SLCO1C1: variants seen among roughly 807,000 people sequenced by gnomAD.
SLCO1C1 encodes the protein solute carrier organic anion transporter family member 1C1.
In SLCO1C1, 70 loss-of-function variants were observed where a neutral mutation model predicts 76.4. That is an observed-to-expected ratio of 0.92 (90% CI 0.76 to 1.12). The LOEUF (loss-of-function observed/expected upper bound fraction) is 1.12, where lower values mean the gene tolerates loss of function less well. Among genes scored for constraint, SLCO1C1 ranks in the 50% most tolerant of loss-of-function variants. The pLI, the probability that SLCO1C1 is intolerant of heterozygous loss-of-function variation, is 0.00. For missense variants in SLCO1C1, 912 were observed against 823.8 expected (o/e 1.11, Z -1.31); for synonymous variants, 306 against 286.1 (o/e 1.07, Z -0.70).
intron 9 of SLCO1C1, among the ~76,000 whole-genome samples, chr12:20,724,812 CAACT>C (rs1947881965): frequency 6.9e-6 from 1 of 145,678 alleles, no homozygotes; most frequent in Admixed American, 7.0e-5. Flanking sequence ...TTTCTGCTTT[CAACT>C]AATAGTTATT....
chr12:20,748,210 A>G (rs7969555), intron 13 of SLCO1C1, among the ~76,000 whole-genome samples: 69,142 of 151,562 alleles, frequency 0.46, 17,587 homozygotes, highest in South Asian at 0.63. Flanking sequence ...TTTTTAATCC[A>G]TAGGCTTTAC....
intron 13 of SLCO1C1, among the ~76,000 whole-genome samples, chr12:20,745,098 A>G (rs921331073): frequency 6.6e-6 from 1 of 152,210 alleles, no homozygotes. Flanking sequence ...TTTTTAAAAA[A>G]GAAACAATGG....
chr12:20,717,178 G>C lies in SLCO1C1; in HGVS notation c.723G>C (p.Leu241=). 1.2e-6 allele frequency: 2 copies of C among 1,601,934 alleles called. No homozygotes were observed. Among genetic ancestry groups the C allele is most frequent in the Non-Finnish European group, 1.7e-6 (2 of 1,176,112 alleles). ...VAIIGPIFGF[L]LGSLCAKLYV... ...TTATAGGACCAATCTTTGGTTTCCT[G>C]TTAGGCTCATTATGTGCCAAACTAT... is the stretch of plus-strand genomic sequence containing the variant. Residue 241 remains leucine (L), a synonymous_variant, in exon 7 of 15, where the codon CTG becomes CTC. Transcript: ENST00000266509.
At chr12:20,736,965 C>T (rs1948574345) in intron 10 of SLCO1C1, 142 bp from the exon 11 acceptor site, 1 of 562,330 alleles carries the variant, frequency 1.8e-6, no homozygotes, top group Non-Finnish European at 2.8e-6. Flanking sequence ...CAGAAGCTGC[C>T]ATTTCTGATG....
chr12:20,723,071 T>A lies in SLCO1C1; in HGVS notation c.1022-19T>A, dbSNP rs745383087. On this transcript the variant is annotated intron_variant, in intron 8 of 14. Coordinates refer to ENST00000266509, the MANE Select transcript of SLCO1C1 (RefSeq NM_017435.5). ...CGTGACACCAACTTTAATTAGTCTA[T>A]GTTATTTTTGTTTTACAGATTTTCT... is the stretch of plus-strand genomic sequence containing the variant. 18 of 1,600,086 alleles carry A rather than the reference T, an allele frequency of 1.1e-5. No homozygotes were observed. Among genetic ancestry groups the A allele is most frequent in the Non-Finnish European group, 1.5e-5 (18 of 1,172,878 alleles).
chr12:20,709,254 C>T (rs1008798760), intron 4 of SLCO1C1, among the ~76,000 whole-genome samples: 4 of 152,180 alleles, frequency 2.6e-5, no homozygotes, highest in African/African-American at 9.7e-5. Context: ...GTACAGACCA[C>T]ATCCATAGCT....
At chr12:20,703,046 G>T (rs1946598853) in intron 3 of SLCO1C1, among the ~76,000 whole-genome samples, 1 of 151,608 alleles carries the variant, frequency 6.6e-6, no homozygotes, top group Admixed American at 6.6e-5. Context: ...GACCATTCTA[G>T]GTATATAAAT....
At chr12:20,740,114 T>G in intron 11 of SLCO1C1, 70 bp from the exon 12 acceptor site, 1 of 1,417,926 alleles carries the variant, frequency 7.1e-7, no homozygotes, top group Non-Finnish European at 9.6e-7. Context: ...GTAAACATTT[T>G]TAACATAACT....
intron 8 of SLCO1C1, among the ~76,000 whole-genome samples, chr12:20,722,786 CCTTTTCGT>C (rs1947741778): frequency 1.3e-5 from 2 of 152,206 alleles, no homozygotes; most frequent in South Asian, 4.1e-4. Context: ...GTATTCTCAT[CCTTTTCGT>C]CTTTTGCCCA....
intron 12 of SLCO1C1, among the ~76,000 whole-genome samples, chr12:20,742,493 C>CT (rs1224028808): frequency 6.6e-6 from 1 of 151,834 alleles, no homozygotes; most frequent in Non-Finnish European, 1.5e-5. Context: ...ATTAATGACA[C>CT]TCTTATTATT....
At chr12:20,747,132 G>A (rs558603664) in intron 13 of SLCO1C1, among the ~76,000 whole-genome samples, 15 of 152,272 alleles carry the variant, frequency 9.9e-5, no homozygotes, top group Non-Finnish European at 1.8e-4. Flanking sequence ...AAATATTAAA[G>A]TAAGAGTTCA....
intron 12 of SLCO1C1, 94 bp downstream of exon 12, chr12:20,740,462 C>G (rs1948751999): frequency 2.6e-6 from 3 of 1,164,862 alleles, no homozygotes; most frequent in African/African-American, 1.6e-5. Flanking sequence ...TATGATTCCT[C>G]TTAGTTTTTT....
chr12:20,710,450 T>G (rs1425175031), intron 4 of SLCO1C1, among the ~76,000 whole-genome samples: 1 of 152,086 alleles, frequency 6.6e-6, no homozygotes, highest in Non-Finnish European at 1.5e-5. Context: ...TGAGATGTTT[T>G]CTTACCAGAT....
At chr12:20,730,414 A>C (rs1948215771) in intron 9 of SLCO1C1, among the ~76,000 whole-genome samples, 1 of 152,228 alleles carries the variant, frequency 6.6e-6, no homozygotes, top group Admixed American at 6.5e-5. Flanking sequence ...AACTAATTTT[A>C]TCTACTTCCA....
At chr12:20,701,248 TCTA>T (rs1946512181) in intron 2 of SLCO1C1, 67 bp from the exon 3 acceptor site, 2 of 1,336,574 alleles carry the variant, frequency 1.5e-6, no homozygotes, top group African/African-American at 3.0e-5. Context: ...TATTTGTTTG[TCTA>T]TTTACTTAGT....
At position 20,750,662 on chromosome 12, in the gene SLCO1C1, G is replaced by C. The variant is rs745911302; in HGVS notation, c.1799-13G>C. ...CATATGTTTTTAACAGCAATTATTT[G>C]TTTTTCTCACAGCAGGAATCCCAGC... On this transcript the variant is annotated splice_polypyrimidine_tract_variant and intron_variant, in intron 13 of 14. Transcript: ENST00000266509. 5.0e-6 allele frequency: 8 copies of C among 1,611,320 alleles called. No homozygotes were observed. In the South Asian group the frequency reaches 6.6e-5, roughly 13 times the overall value.
chr12:20,740,099 C>A, intron 11 of SLCO1C1, 85 bp from the exon 12 acceptor site: 2 of 1,281,090 alleles, frequency 1.6e-6, no homozygotes, highest in Non-Finnish European at 2.2e-6. Context: ...TAATGCATGG[C>A]TACGGTAAAC....
chr12:20,737,769 G>A (rs1314900345), intron 11 of SLCO1C1, among the ~76,000 whole-genome samples: 1 of 152,058 alleles, frequency 6.6e-6, no homozygotes, highest in African/African-American at 2.4e-5. Context: ...AAGCCAATTT[G>A]TATAATAATG....
chr12:20,743,196 C>A (rs1948899063), intron 12 of SLCO1C1, 109 bp from the exon 13 acceptor site: 2 of 1,015,442 alleles, frequency 2.0e-6, no homozygotes, highest in Non-Finnish European at 3.0e-6. Context: ...ACATAAATGG[C>A]ACTTGAATTC....
Sources: gnomAD v4.1 joint callset for allele counts (sites outside exome capture counted in the v4.1 genomes callset) on GRCh38, gnomAD v4.1.1 for gene constraint, MANE v1.5 for transcripts, NCBI Gene and HGNC (gene_info 2026-07-23, HGNC 2026-07-21) for gene names.